PALM2AKAP2: variants seen among roughly 807,000 people sequenced by gnomAD.
The protein encoded by PALM2AKAP2 is PALM2 and AKAP2 fusion.
A neutral mutation model predicts 71.5 loss-of-function variants in PALM2AKAP2; 37 were observed. The observed-to-expected ratio is 0.52, with a 90% CI of 0.40 to 0.68. The LOEUF (loss-of-function observed/expected upper bound fraction) is 0.68. PALM2AKAP2 is among the 30% of genes least tolerant of loss of function. PALM2AKAP2 has a pLI of 0.00. For synonymous variants in PALM2AKAP2, 468 were observed against 478.8 expected (o/e 0.98, Z 0.29); for missense variants, 1,224 against 1,191.8 (o/e 1.03, Z -0.40).
chr9:109,853,096 C>G (rs1829064823), intron 1 of PALM2AKAP2, among the ~76,000 whole-genome samples: 1 of 152,098 alleles, frequency 6.6e-6, no homozygotes, highest in African/African-American at 2.4e-5. Flanking sequence ...ACTGGGGGAT[C>G]TAGGGGCAAG....
intron 1 of PALM2AKAP2, among the ~76,000 whole-genome samples, chr9:109,846,464 A>C (rs79227475): frequency 6.6e-6 from 1 of 152,168 alleles, no homozygotes; most frequent in Non-Finnish European, 1.5e-5. Context: ...AGCCCTCACC[A>C]AGCTGTGTGA....
intron 1 of PALM2AKAP2, among the ~76,000 whole-genome samples, chr9:109,769,806 T>C (rs142795888): frequency 2.9e-4 from 44 of 152,336 alleles, no homozygotes; most frequent in Non-Finnish European, 5.1e-4. Context: ...TTTTTGTTTT[T>C]GTTTCCACCT....
rs715877 is a variant in PALM2AKAP2, at chr9:109,764,432, C to G, written c.6-16056C>G. Among the ~76,000 whole-genome samples, 390 of 152,046 alleles carry G rather than the reference C, an allele frequency of 2.6e-3. 2 individuals are homozygous for G. Among genetic ancestry groups the G allele is most frequent in the African/African-American group, 8.9e-3 (368 of 41,440 alleles). On this transcript the variant is annotated intron_variant, in intron 1 of 6. Transcript: ENST00000374531. ...CTCTCTGCCTATATACTACCTCCCC[C>G]CTAGCCCCCATTGAGAGCCTATGCA...
chr9:109,827,989 T>A (rs1049973983), intron 1 of PALM2AKAP2, among the ~76,000 whole-genome samples: 2 of 152,218 alleles, frequency 1.3e-5, no homozygotes, highest in African/African-American at 4.8e-5. Context: ...GAGCCAGCTT[T>A]TATTGAGTAC....
intron 1 of PALM2AKAP2, among the ~76,000 whole-genome samples, chr9:109,749,073 C>T (rs908973399): frequency 6.6e-6 from 1 of 152,112 alleles, no homozygotes; most frequent in Non-Finnish European, 1.5e-5. Context: ...CACAATTCAG[C>T]CCATATCAGA....
At chr9:109,993,965 C>A (rs976365197) in intron 6 of PALM2AKAP2, among the ~76,000 whole-genome samples, 12 of 152,092 alleles carry the variant, frequency 7.9e-5, no homozygotes, top group African/African-American at 2.7e-4. Context: ...TTTCCTCCTG[C>A]CTCTCCAGCT....
At chr9:109,896,262 C>G (rs950624887) in intron 3 of PALM2AKAP2, among the ~76,000 whole-genome samples, 3 of 152,122 alleles carry the variant, frequency 2.0e-5, no homozygotes, top group Non-Finnish European at 2.9e-5. Flanking sequence ...ATGAGGGTAA[C>G]CACTCCCATG....
chr9:109,741,344 T>G (rs1828713319), intron 1 of PALM2AKAP2, among the ~76,000 whole-genome samples: 1 of 152,202 alleles, frequency 6.6e-6, no homozygotes, highest in Non-Finnish European at 1.5e-5. Context: ...CACCACAAGT[T>G]TATTCATTTT....
chr9:110,138,413 A>C (rs773100302), exon 2 of PALM2AKAP2: 1 of 1,614,228 alleles, frequency 6.2e-7, no homozygotes, highest in Admixed American at 1.7e-5. Context: ...TGAGGAAGAG[A>C]TCCGAGCAGC....
chr9:109,905,783 T>C (rs911449462), intron 3 of PALM2AKAP2, among the ~76,000 whole-genome samples: 1 of 152,054 alleles, frequency 6.6e-6, no homozygotes, highest in African/African-American at 2.4e-5. Flanking sequence ...GCCTCAAGCT[T>C]CAAATTCATG....
intron 3 of PALM2AKAP2, among the ~76,000 whole-genome samples, chr9:109,908,808 G>GCACACACACA (rs59715039): frequency 0.022 from 3,364 of 150,200 alleles, 91 homozygotes; most frequent in Admixed American, 0.087. Flanking sequence ...GGATGCGTGT[G>GCACACACACA]CACACACACA....
At chr9:110,013,276 C>T (rs1408828199) in intron 6 of PALM2AKAP2, among the ~76,000 whole-genome samples, 1 of 152,170 alleles carries the variant, frequency 6.6e-6, no homozygotes, top group African/African-American at 2.4e-5. Context: ...ATCAGTGAGA[C>T]AGGGAAGATC....
chr9:110,149,121 T>C (rs765669610), intron 2 of PALM2AKAP2, among the ~76,000 whole-genome samples: 4 of 152,240 alleles, frequency 2.6e-5, no homozygotes, highest in African/African-American at 4.8e-5. Flanking sequence ...TTGCTTTCTC[T>C]GGACCACAGA....
chr9:110,135,164 A>AAAAAAATATATAT, intron 1 of PALM2AKAP2, among the ~76,000 whole-genome samples: 16 of 51,730 alleles, frequency 3.1e-4, no homozygotes, highest in African/African-American at 7.3e-4. Context: ...AAAAAAAAAA[A>AAAAAAATATATAT]ATATATAAAT....
At chr9:109,864,504 T>C (rs1326373397) in intron 1 of PALM2AKAP2, among the ~76,000 whole-genome samples, 1 of 152,238 alleles carries the variant, frequency 6.6e-6, no homozygotes, top group Non-Finnish European at 1.5e-5. Context: ...CATCCATCCT[T>C]ACTGCACAAC....
chr9:110,116,401 C>T (rs1016256097), intron 1 of PALM2AKAP2, among the ~76,000 whole-genome samples: 7 of 148,852 alleles, frequency 4.7e-5, no homozygotes, highest in South Asian at 2.2e-4. Context: ...CATGTGTGTG[C>T]GTGTGCGTGT....
chr9:109,732,276 A>G (rs780981236), intron 1 of PALM2AKAP2, among the ~76,000 whole-genome samples: 14 of 152,206 alleles, frequency 9.2e-5, no homozygotes, highest in Non-Finnish European at 1.6e-4. Context: ...CTGGGAAGGT[A>G]GTGTGCTGTG....
chr9:110,112,487 G>A (rs1327775), intron 1 of PALM2AKAP2, among the ~76,000 whole-genome samples: 43,751 of 152,046 alleles, frequency 0.29, 6,579 homozygotes, highest in African/African-American at 0.37. Context: ...ACACATTGTA[G>A]GTATTCAATT....
At chr9:109,919,143 G>C (rs1284902211) in intron 3 of PALM2AKAP2, among the ~76,000 whole-genome samples, 2 of 152,178 alleles carry the variant, frequency 1.3e-5, no homozygotes, top group Non-Finnish European at 2.9e-5. Context: ...GATCTTGTTT[G>C]TTTTAGAATC....
Sources: gnomAD v4.1 joint callset for allele counts (sites outside exome capture counted in the v4.1 genomes callset) on GRCh38, gnomAD v4.1.1 for gene constraint, MANE v1.5 for transcripts, NCBI Gene and HGNC (gene_info 2026-07-23, HGNC 2026-07-21) for gene names.